The following ANKRD27 variants were observed in gnomAD, a reference collection of about 807,000 sequenced individuals.
ANKRD27 encodes ankyrin repeat domain-containing protein 27.
In ANKRD27, 112 loss-of-function variants were observed where a neutral mutation model predicts 129.7. The ratio of observed to expected loss-of-function variants is 0.86; its 90% CI spans 0.74 to 1.01. ANKRD27 has a LOEUF of 1.01. Ranked by LOEUF, ANKRD27 falls within the 50% of genes least tolerant of loss-of-function variation. ANKRD27 has a pLI of 0.00. For synonymous variants in ANKRD27, 516 were observed against 511.2 expected (o/e 1.01, Z -0.13); for missense variants, 1,258 against 1,300.5 (o/e 0.97, Z 0.50).
intron 2 of ANKRD27, among the ~76,000 whole-genome samples, 154 bp from the exon 3 acceptor site, chr19:32,649,946 TG>T (rs1214509003): frequency 3.3e-5 from 5 of 152,320 alleles, no homozygotes; most frequent in Admixed American, 3.3e-4. Context: ...CCACAGTGGC[TG>T]CCAGCTGAGG....
intron 13 of ANKRD27, among the ~76,000 whole-genome samples, chr19:32,630,297 A>T (rs1000259136): frequency 6.6e-6 from 1 of 152,136 alleles, no homozygotes; most frequent in Non-Finnish European, 1.5e-5. Context: ...AGCCTCCCCC[A>T]GGGGGCTCTG....
At chr19:32,643,066 GA>G (rs1967231082) in intron 9 of ANKRD27, 56 bp downstream of exon 9, 1 of 1,563,242 alleles carries the variant, frequency 6.4e-7, no homozygotes, top group Admixed American at 1.7e-5. Context: ...CTGCTTCCGG[GA>G]GAAGACAGCA....
intron 11 of ANKRD27, 47 bp from the exon 12 acceptor site, chr19:32,639,535 A>T: frequency 6.3e-7 from 1 of 1,583,906 alleles, no homozygotes; most frequent in South Asian, 1.1e-5. Flanking sequence ...TCCAAGTCAC[A>T]CTTCTGCAAA....
intron 23 of ANKRD27, among the ~76,000 whole-genome samples, chr19:32,607,281 A>G (rs1971758287): frequency 6.6e-6 from 1 of 151,898 alleles, no homozygotes; most frequent in Non-Finnish European, 1.5e-5. Flanking sequence ...TGTTTGGCCC[A>G]GAGCAAGGCA....
intron 24 of ANKRD27, 129 bp downstream of exon 24, chr19:32,605,706 C>G (rs1971722124): frequency 7.8e-7 from 1 of 1,289,716 alleles, no homozygotes. Flanking sequence ...CCCTGCTCCT[C>G]TCCCCAGAGG....
At chr19:32,633,154 C>G (rs531410129) in intron 12 of ANKRD27, among the ~76,000 whole-genome samples, 7 of 152,234 alleles carry the variant, frequency 4.6e-5, no homozygotes, top group African/African-American at 1.7e-4. Flanking sequence ...ACAGGTAGGT[C>G]TCCCAAGACT....
chr19:32,648,538 C>T (rs1207788410), intron 3 of ANKRD27, among the ~76,000 whole-genome samples: 15 of 152,202 alleles, frequency 9.9e-5, no homozygotes, highest in Admixed American at 7.9e-4. Flanking sequence ...CGGTGGCGCA[C>T]GCCTGTAATC....
At chr19:32,631,593 C>G (rs1341101672) in intron 12 of ANKRD27, 99 bp from the exon 13 acceptor site, 1 of 912,542 alleles carries the variant, frequency 1.1e-6, no homozygotes, top group East Asian at 2.5e-5. Flanking sequence ...AGAGCAGTAT[C>G]GGCTGCGCCT....
At chr19:32,610,152 A>G (rs1187899695) in intron 22 of ANKRD27, among the ~76,000 whole-genome samples, 8 of 152,184 alleles carry the variant, frequency 5.3e-5, no homozygotes. Context: ...TCTACTAAAA[A>G]TACAAAAATT....
chr19:32,645,135 C>T (rs1967276834), intron 4 of ANKRD27, among the ~76,000 whole-genome samples: 1 of 152,104 alleles, frequency 6.6e-6, no homozygotes, highest in Non-Finnish European at 1.5e-5. Flanking sequence ...ATTTATTGGC[C>T]GGGCGCAGCG....
chr19:32,602,947 AT>A (rs1416735597), intron 25 of ANKRD27, among the ~76,000 whole-genome samples: 1 of 152,072 alleles, frequency 6.6e-6, no homozygotes, highest in African/African-American at 2.4e-5. Context: ...ATTCAACATA[AT>A]CATTTAAGAA....
intron 1 of ANKRD27, chr19:32,666,308 T>C (rs1967753711): frequency 6.6e-6 from 1 of 152,154 alleles, no homozygotes; most frequent in Non-Finnish European, 1.5e-5. Flanking sequence ...ACAGATAAAA[T>C]AAGAATCAGT....
In ANKRD27 at chr19:32,628,799, C is replaced by T. The variant is rs530606186; in HGVS notation, c.1260G>A (p.Glu420=). 11 of 1,614,062 alleles carry T rather than the reference C, an allele frequency of 6.8e-6. No individual in the cohort carries two copies. The African/African-American group carries it at 9.3e-5, about 14-fold the overall frequency. Residue 420 remains glutamate, a synonymous_variant, in exon 14 of 29, where the codon GAG becomes GAA. Transcript: ENST00000306065. ...TTTGGACGGTATCTTTATCATGGTCCTCTTGGCTCAGAAGTCTCTCCACTT... is the reference window on the plus strand; with the variant it reads ...TTTGGACGGTATCTTTATCATGGTCTTCTTGGCTCAGAAGTCTCTCCACTT... ...QKEVERLLSQ[E]DHDKDTVQKM... is the part of the protein sequence containing the mutation.
intron 22 of ANKRD27, among the ~76,000 whole-genome samples, 174 bp from the exon 23 acceptor site, chr19:32,608,006 T>C (rs1599735516): frequency 7.7e-5 from 2 of 25,824 alleles, no homozygotes; most frequent in East Asian, 1.2e-3. Flanking sequence ...AACAACTTCC[T>C]TTTTTTTTTT....
At chr19:32,608,551 T>C in intron 22 of ANKRD27, 1 of 188,552 alleles carries the variant, frequency 5.3e-6, no homozygotes, top group Non-Finnish European at 1.2e-5. Flanking sequence ...AATTTTATTA[T>C]ATGTAAATTA....
intron 12 of ANKRD27, among the ~76,000 whole-genome samples, chr19:32,634,631 T>C (rs1967057004): frequency 6.6e-6 from 1 of 152,106 alleles, no homozygotes; most frequent in Non-Finnish European, 1.5e-5. Context: ...AGGAGTGGAC[T>C]CAGGCTGGGC....
At chr19:32,628,049 G>C in intron 15 of ANKRD27, 34 bp downstream of exon 15, 1 of 1,601,540 alleles carries the variant, frequency 6.2e-7, no homozygotes, top group Non-Finnish European at 8.5e-7. Context: ...CCTTTGCTGT[G>C]ACAGCCCCTA....
At chr19:32,666,968 C>T (rs1187054376) in intron 1 of ANKRD27, among the ~76,000 whole-genome samples, 3 of 152,150 alleles carry the variant, frequency 2.0e-5, no homozygotes, top group East Asian at 1.9e-4. Flanking sequence ...TTTCTAACCA[C>T]GTCATCCCAC....
At chr19:32,666,237 C>T (rs552561669) in intron 1 of ANKRD27, 4 of 152,282 alleles carry the variant, frequency 2.6e-5, no homozygotes, top group African/African-American at 9.6e-5. Flanking sequence ...AATTAGATTG[C>T]TTATTTTAGG....
Sources: allele counts gnomAD v4.1 joint callset (sites outside exome capture counted in the v4.1 genomes callset), GRCh38; gene constraint gnomAD v4.1.1; transcripts MANE v1.5; gene names NCBI Gene and HGNC (gene_info 2026-07-23, HGNC 2026-07-21).